Variants in LRRK1 observed in about 807,000 individuals in gnomAD.
LRRK1 encodes the protein leucine rich repeat kinase 1.
LRRK1 carries 113 observed loss-of-function variants against 209.1 expected under a neutral mutation model. The ratio of observed to expected loss-of-function variants is 0.54; its 90% CI spans 0.46 to 0.63. LRRK1 has a LOEUF of 0.63. Among genes scored for constraint, LRRK1 ranks in the 30% least tolerant of loss-of-function variants. The probability of loss-of-function intolerance (pLI) is 0.00; values close to 1 mark genes in which losing one functional copy is unlikely to be tolerated. For missense variants in LRRK1, 2,284 were observed against 2,632.2 expected (o/e 0.87, Z 2.89); for synonymous variants, 1,144 against 1,099.7 (o/e 1.04, Z -0.80).
chr15:100,948,543 A>G (rs2042586886), intron 2 of LRRK1, among the ~76,000 whole-genome samples: 1 of 152,008 alleles, frequency 6.6e-6, no homozygotes, highest in Admixed American at 6.6e-5. Flanking sequence ...CTAAGTCGCC[A>G]TTTGTCTTTT....
chr15:101,013,369 C>T (rs1045562140), intron 10 of LRRK1, among the ~76,000 whole-genome samples: 19 of 152,080 alleles, frequency 1.2e-4, no homozygotes, highest in Non-Finnish European at 2.1e-4. Context: ...TGGTTGTGGG[C>T]GGGATAGTTG....
intron 2 of LRRK1, among the ~76,000 whole-genome samples, chr15:100,944,813 T>A (rs1422131012): frequency 2.0e-5 from 3 of 152,236 alleles, no homozygotes; most frequent in Admixed American, 1.3e-4. Flanking sequence ...TTTGAAAATG[T>A]CATACGGTCT....
At chr15:100,961,641 G>C (rs2029963445) in intron 2 of LRRK1, among the ~76,000 whole-genome samples, 1 of 88,232 alleles carries the variant, frequency 1.1e-5, no homozygotes, top group South Asian at 4.9e-4. Context: ...AACAGAGTGA[G>C]ACTCCGTCAA....
At position 101,001,824 on chromosome 15, in the gene LRRK1, C is replaced by T. The variant is rs76572648; in HGVS notation, c.763-7013C>T. ...AAGATTCTTACTCATGAGCCATAAGCAAAATACTGACCAACTGACAGGAAC... is the reference window on the plus strand; with the variant it reads ...AAGATTCTTACTCATGAGCCATAAGTAAAATACTGACCAACTGACAGGAAC... On this transcript the variant is annotated intron_variant, in intron 6 of 33. Coordinates refer to ENST00000388948, the MANE Select transcript of LRRK1 (RefSeq NM_024652.6). 2.1e-3 allele frequency among the ~76,000 whole-genome samples: 313 copies of T among 152,296 alleles called. 10 individuals are homozygous for T. In the East Asian group the frequency reaches 0.05, roughly 24 times the overall value.
At chr15:101,054,241 TG>T (rs1439978140) in intron 26 of LRRK1, among the ~76,000 whole-genome samples, 1 of 152,214 alleles carries the variant, frequency 6.6e-6, no homozygotes, top group African/African-American at 2.4e-5. Context: ...CCCAAAGTGC[TG>T]GAATCACCGG....
intron 31 of LRRK1, chr15:101,065,037 CAAG>C (rs935685649): frequency 9.8e-6 from 4 of 409,692 alleles, no homozygotes; most frequent in African/African-American, 8.1e-5. Context: ...GCTCGCCCTG[CAAG>C]AAGCTGGCAG....
At chr15:100,938,982 A>G (rs2042353933) in intron 2 of LRRK1, among the ~76,000 whole-genome samples, 1 of 152,132 alleles carries the variant, frequency 6.6e-6, no homozygotes, top group Admixed American at 6.5e-5. Flanking sequence ...AATCCCAGCT[A>G]CTCGGGAGAC....
In LRRK1 at chr15:101,012,543, G is replaced by A. The variant is rs571745911; in HGVS notation, c.1419+398G>A. On this transcript the variant is annotated intron_variant, in intron 10 of 33. Coordinates refer to ENST00000388948, the MANE Select transcript of LRRK1 (RefSeq NM_024652.6). ...TGGCGGGTCCTTAGGCAGACAGGCC[G>A]TGGATCACACTCATTGCTTGGAGCT... Among the ~76,000 whole-genome samples, 7 of 152,306 alleles carry A rather than the reference G, an allele frequency of 4.6e-5. No homozygotes were observed. In the East Asian group the frequency reaches 7.7e-4, roughly 17 times the overall value.
At position 101,074,182 on chromosome 15, in the gene LRRK1, T is replaced by C. The variant is rs148342125; in HGVS notation, c.*5334T>C. 35 of 152,220 alleles carry C rather than the reference T, an allele frequency of 2.3e-4. No homozygotes were observed. Among genetic ancestry groups the C allele is most frequent in the East Asian group, 5.8e-4 (3 of 5,168 alleles). The allele number at this position is 152,220 out of a possible 1,614,324, so 9.4% of individuals were successfully genotyped here. A position where few individuals can be genotyped will look rare whatever the true frequency, so the allele number is the denominator to read the frequency against. ...CGCTGAGTCTTTCTAATCTTTTCTA[T>C]AGACCCATCTGACCTCTCCCCTCCT... On this transcript the variant is annotated 3_prime_UTR_variant, in exon 34 of 34. Coordinates refer to ENST00000388948, the MANE Select transcript of LRRK1 (RefSeq NM_024652.6).
At chr15:101,002,402 T>A (rs1054593216) in intron 6 of LRRK1, among the ~76,000 whole-genome samples, 1 of 152,254 alleles carries the variant, frequency 6.6e-6, no homozygotes, top group Admixed American at 6.5e-5. Flanking sequence ...CTGAGCCTTC[T>A]CGAGAAAGTG....
At chr15:100,961,988 GT>G (rs1163957727) in intron 2 of LRRK1, among the ~76,000 whole-genome samples, 1 of 152,106 alleles carries the variant, frequency 6.6e-6, no homozygotes, top group East Asian at 1.9e-4. Flanking sequence ...GCCAATTTTT[GT>G]TCCATGAGAC....
In LRRK1 at chr15:100,972,359, AGAGAGT is replaced by A. The variant is rs1202921514; in HGVS notation, c.98-1443_98-1438del. ...ATGAGAGAGAGAGAGAGAGAGAGAGAGAGAGTGTGTGTGTGTGTGTGTGTGTGTGTG... is the reference window on the plus strand; with the variant it reads ...ATGAGAGAGAGAGAGAGAGAGAGAGAGTGTGTGTGTGTGTGTGTGTGTGTG... On this transcript the variant is annotated intron_variant, in intron 2 of 33. Transcript: ENST00000388948. 9.1e-3 allele frequency among the ~76,000 whole-genome samples: 789 copies of A among 86,906 alleles called. 5 individuals carry two copies. The highest frequency in any genetic ancestry group is 0.034 in the African/African-American group (668 of 19,918). 57.0% of individuals were successfully genotyped at this position (86,906 alleles called of 152,430 possible).
chr15:100,941,348 T>C (rs12898698), intron 2 of LRRK1, among the ~76,000 whole-genome samples: 14 of 45,208 alleles, frequency 3.1e-4, no homozygotes, highest in African/African-American at 8.9e-4. Context: ...GTGTGTGTCT[T>C]TGTGTGTGTG....
chr15:101,021,048 T>C lies in LRRK1; in HGVS notation c.1610-5T>C, dbSNP rs755433129. ...AATGCAGTCTGCTTTGCCATGTCTT[T>C]GCAGCAAGTGTGCTGGAATTTCCGG... On this transcript the variant is annotated splice_polypyrimidine_tract_variant and splice_region_variant and intron_variant, in intron 12 of 33. Transcript: ENST00000388948. The C allele has an allele frequency of 4.3e-6, 7 of 1,613,954 alleles. No homozygotes were observed. Among genetic ancestry groups the C allele is most frequent in the Non-Finnish European group, 5.9e-6 (7 of 1,179,948 alleles).
intron 20 of LRRK1, among the ~76,000 whole-genome samples, chr15:101,039,488 A>G (rs2034640844): frequency 6.6e-6 from 1 of 152,218 alleles, no homozygotes; most frequent in Admixed American, 6.5e-5. Context: ...TATTAGCTCC[A>G]GTAGATTTTT....
At chr15:101,007,260 C>T (rs1319726012) in intron 6 of LRRK1, among the ~76,000 whole-genome samples, 1 of 152,184 alleles carries the variant, frequency 6.6e-6, no homozygotes, top group Non-Finnish European at 1.5e-5. Flanking sequence ...ATTTGCGAAG[C>T]ACTAATTTTT....
intron 2 of LRRK1, among the ~76,000 whole-genome samples, chr15:100,957,591 A>G (rs900256892): frequency 6.6e-6 from 1 of 152,208 alleles, no homozygotes; most frequent in Non-Finnish European, 1.5e-5. Context: ...AAGTCTATTC[A>G]GTCTGGTATA....
rs536752090 is a variant in LRRK1, at chr15:100,988,643, G to T, written c.443G>T (p.Ser148Ile). ...ELLESLPGPC[S>I]PQRLLNWMLA... The stretch of plus-strand genomic sequence containing the variant: ...TGCCATCTCCTGCCAGGTCCCTGCA[G>T]TCCCCAGCGGCTTCTGAACTGGATG... Residue 148 changes from serine (S) to isoleucine (I), a missense_variant, in exon 5 of 34, where the codon AGT (serine) becomes ATT (isoleucine). Ser to Ile is a moderately radical substitution (Grantham distance 142). Coordinates refer to ENST00000388948, the MANE Select transcript of LRRK1 (RefSeq NM_024652.6). 2.4e-5 allele frequency: 39 copies of T among 1,614,172 alleles called. No individual in the cohort carries two copies. The East Asian group carries it at 8.2e-4, about 34-fold the overall frequency.
In LRRK1 at chr15:101,049,675, A is replaced by T; in HGVS notation, c.3331A>T (p.Lys1111Ter). 1 of 1,614,072 alleles carries T rather than the reference A, an allele frequency of 6.2e-7. No homozygotes were observed. Among genetic ancestry groups the T allele is most frequent in the Non-Finnish European group, 8.5e-7 (1 of 1,179,962 alleles). Reference sequence around the variant, plus strand: ...ATCTTCCGACGTGAACTGGAAAAAGAAGAAAAGCGGAGGAATGAAAATTGT... The same window carrying T: ...ATCTTCCGACGTGAACTGGAAAAAGTAGAAAAGCGGAGGAATGAAAATTGT... The part of the protein sequence containing the change: ...VESSDVNWKK[K>*]KSGGMKIVCQ... Residue 1111 changes from lysine (K) to a stop codon, truncating the protein, a stop_gained, in exon 23 of 34, where the codon AAG becomes TAG. Coordinates refer to ENST00000388948, the MANE Select transcript of LRRK1 (RefSeq NM_024652.6). LOFTEE classifies it high-confidence loss of function.
Sources: allele counts gnomAD v4.1 joint callset (sites outside exome capture counted in the v4.1 genomes callset), GRCh38; gene constraint gnomAD v4.1.1; transcripts MANE v1.5; gene names NCBI Gene and HGNC (gene_info 2026-07-23, HGNC 2026-07-21).